The following SIL1 variants were observed in gnomAD, a reference collection of about 807,000 sequenced individuals.
SIL1 encodes the protein nucleotide exchange factor SIL1.
Under a neutral mutation model 49.1 loss-of-function variants are expected in SIL1, and 40 were observed. The observed-to-expected ratio is 0.81, with a 90% CI of 0.63 to 1.06. The LOEUF (loss-of-function observed/expected upper bound fraction) is 1.06, where lower values mean the gene tolerates loss of function less well. SIL1 is among the 50% of genes least tolerant of loss of function. SIL1 has a pLI of 0.00. For missense variants in SIL1, 500 were observed against 572.6 expected (o/e 0.87, Z 1.29); for synonymous variants, 253 against 250.8 (o/e 1.01, Z -0.08).
At position 139,154,542 on chromosome 5, in the gene SIL1, G is replaced by C. The variant is rs139387558; in HGVS notation, c.-10-26689C>G. ...TGTGCACGCTCTGTACATAACACAT[G>C]CTTGATTAATGTCTGTGATTGAATC... is the stretch of plus-strand genomic sequence containing the variant. On this transcript the variant is annotated intron_variant, in intron 1 of 9. Transcript: ENST00000394817. Among the ~76,000 whole-genome samples the C allele has an allele frequency of 1.1e-4, 17 of 152,324 alleles. 1 individual carries two copies. The East Asian group carries it at 2.5e-3, about 22-fold the overall frequency.
intron 1 of SIL1, among the ~76,000 whole-genome samples, chr5:139,188,605 G>A (rs1752116215): frequency 6.6e-6 from 1 of 152,176 alleles, no homozygotes; most frequent in Non-Finnish European, 1.5e-5. Context: ...CAGTCAACTT[G>A]AGCACAAAAT....
intron 7 of SIL1, among the ~76,000 whole-genome samples, chr5:138,990,583 A>G (rs1270141466): frequency 6.6e-6 from 1 of 152,020 alleles, no homozygotes; most frequent in Non-Finnish European, 1.5e-5. Context: ...GTCTCCAACC[A>G]TGCCTGGATA....
intron 7 of SIL1, among the ~76,000 whole-genome samples, chr5:138,957,376 G>T (rs1294263491): frequency 6.7e-6 from 1 of 148,632 alleles, no homozygotes; most frequent in Non-Finnish European, 1.5e-5. Context: ...TTTGAAACTA[G>T]CCTGGACAAG....
At chr5:139,156,640 G>A (rs1461351060) in intron 1 of SIL1, among the ~76,000 whole-genome samples, 1 of 152,200 alleles carries the variant, frequency 6.6e-6, no homozygotes, top group East Asian at 1.9e-4. Flanking sequence ...CAGAAAAGAA[G>A]GTGATTGAGA....
At chr5:138,970,276 G>A (rs190457491) in intron 7 of SIL1, among the ~76,000 whole-genome samples, 43 of 152,312 alleles carry the variant, frequency 2.8e-4, no homozygotes, top group African/African-American at 9.4e-4. Flanking sequence ...GATGGTGAGG[G>A]TACAGTTACC....
intron 7 of SIL1, among the ~76,000 whole-genome samples, chr5:138,960,102 CT>C (rs1358990522): frequency 6.6e-6 from 1 of 152,194 alleles, no homozygotes; most frequent in African/African-American, 2.4e-5. Context: ...ATCTGAATTA[CT>C]TATAAATTAG....
chr5:139,119,394 G>T (rs557963350), intron 3 of SIL1, among the ~76,000 whole-genome samples: 1 of 152,344 alleles, frequency 6.6e-6, no homozygotes, highest in South Asian at 2.1e-4. Flanking sequence ...CTCAACCACA[G>T]AAACAGATAG....
At chr5:139,120,265 A>T (rs1369590979) in intron 3 of SIL1, among the ~76,000 whole-genome samples, 1 of 152,212 alleles carries the variant, frequency 6.6e-6, no homozygotes, top group African/African-American at 2.4e-5. Flanking sequence ...AGCCAAGGAC[A>T]GCTAGGACTG....
chr5:138,990,995 C>T (rs533067670), intron 7 of SIL1, among the ~76,000 whole-genome samples: 10 of 152,362 alleles, frequency 6.6e-5, no homozygotes, highest in East Asian at 3.9e-4. Flanking sequence ...GGATTACAGG[C>T]GTTAGCCACC....
At chr5:139,126,533 A>G (rs1750756790) in intron 2 of SIL1, among the ~76,000 whole-genome samples, 1 of 152,136 alleles carries the variant, frequency 6.6e-6, no homozygotes, top group Non-Finnish European at 1.5e-5. Flanking sequence ...CCGCCAACCC[A>G]TGCCAGAGAC....
chr5:139,105,305 G>A (rs1279135771), intron 3 of SIL1, among the ~76,000 whole-genome samples: 3 of 152,178 alleles, frequency 2.0e-5, no homozygotes, highest in Non-Finnish European at 2.9e-5. Flanking sequence ...GTCCATTCCA[G>A]AAGAAGCTAG....
intron 7 of SIL1, among the ~76,000 whole-genome samples, chr5:138,994,744 G>T (rs115953251): frequency 0.022 from 3,277 of 152,264 alleles, 125 homozygotes; most frequent in African/African-American, 0.076. Context: ...GGACATGCAA[G>T]TTTGTTACAT....
At chr5:139,136,615 T>C (rs1235670474) in intron 1 of SIL1, among the ~76,000 whole-genome samples, 1 of 152,054 alleles carries the variant, frequency 6.6e-6, no homozygotes, top group East Asian at 1.9e-4. Flanking sequence ...TAGGCAACAA[T>C]GTCAGGAGAT....
chr5:138,977,756 G>A (rs1767423866), intron 7 of SIL1, among the ~76,000 whole-genome samples: 1 of 152,150 alleles, frequency 6.6e-6, no homozygotes, highest in African/African-American at 2.4e-5. Context: ...AGGTCTCTAG[G>A]TGCACTGCCA....
intron 1 of SIL1, among the ~76,000 whole-genome samples, chr5:139,168,427 GCAGCTTGCACA>G (rs1297994556): frequency 2.0e-5 from 3 of 152,172 alleles, no homozygotes; most frequent in East Asian, 3.9e-4. Context: ...TGTTCCTGGA[GCAGCTTGCACA>G]CAGCTTGCAC....
intron 7 of SIL1, among the ~76,000 whole-genome samples, chr5:139,007,961 T>C (rs937858038): frequency 6.6e-6 from 1 of 152,012 alleles, no homozygotes; most frequent in Admixed American, 6.5e-5. Flanking sequence ...GGTATCAGGA[T>C]GATGCTGGCC....
intron 7 of SIL1, among the ~76,000 whole-genome samples, chr5:138,971,012 G>A (rs1179632044): frequency 6.6e-6 from 1 of 152,154 alleles, no homozygotes; most frequent in Non-Finnish European, 1.5e-5. Flanking sequence ...AAGTGATACT[G>A]TGAGTGGCAA....
rs1766950420 is a variant in SIL1 at position 138,958,641 on chromosome 5, A to C, written c.768-6757T>G. Among the ~76,000 whole-genome samples the C allele has an allele frequency of 2.0e-5, 3 of 152,162 alleles. No homozygotes were observed. The South Asian group carries it at 6.2e-4, about 32-fold the overall frequency. On this transcript the variant is annotated intron_variant, in intron 7 of 9. Coordinates refer to ENST00000394817, the MANE Select transcript of SIL1 (RefSeq NM_022464.5). ...TGGGCATCAACATGATGCTCAAAGG[A>C]AATGTTCATTGGAGCACTTTGGATT...
chr5:138,979,895 A>G (rs938577253), intron 7 of SIL1, among the ~76,000 whole-genome samples: 3 of 152,214 alleles, frequency 2.0e-5, no homozygotes, highest in Non-Finnish European at 4.4e-5. Context: ...CATCATCAAT[A>G]ACAAACTCCC....
Sources: gnomAD v4.1 joint callset for allele counts (sites outside exome capture counted in the v4.1 genomes callset) on GRCh38, gnomAD v4.1.1 for gene constraint, MANE v1.5 for transcripts, NCBI Gene and HGNC (gene_info 2026-07-23, HGNC 2026-07-21) for gene names.